The following NBL1 variants were observed in gnomAD, a reference collection of about 807,000 sequenced individuals.
The protein encoded by NBL1 is NBL1, DAN family BMP antagonist.
Under a neutral mutation model 16.0 loss-of-function variants are expected in NBL1, and 9 were observed. The observed-to-expected ratio is 0.56, with a 90% CI of 0.34 to 0.98. The LOEUF is 0.98. Among genes scored for constraint, NBL1 ranks in the 50% least tolerant of loss-of-function variants. The probability of loss-of-function intolerance (pLI) is 0.02; values close to 1 mark genes in which losing one functional copy is unlikely to be tolerated. For missense variants in NBL1, 196 were observed against 243.1 expected (o/e 0.81, Z 1.29); for synonymous variants, 86 against 100.7 (o/e 0.85, Z 0.87).
chr1:19,655,257 AG>A, intron 2 of NBL1, 57 bp downstream of exon 2: 1 of 1,610,176 alleles, frequency 6.2e-7, no homozygotes, highest in Non-Finnish European at 8.5e-7. Flanking sequence ...AGGGAGGAAG[AG>A]GACCAGGGCT....
intron 3 of NBL1, 68 bp downstream of exon 3, chr1:19,655,503 C>T: frequency 6.5e-7 from 1 of 1,545,632 alleles, no homozygotes; most frequent in Non-Finnish European, 8.8e-7. Flanking sequence ...CCTTTCTCCC[C>T]AGGCTCCTGT....
Position 19,644,412 on chromosome 1 carries a change from C to T in NBL1, c.-54C>T. 7.1e-6 allele frequency: 7 copies of T among 979,116 alleles called. No individual in the cohort carries two copies. In the South Asian group the frequency reaches 2.8e-4, roughly 39 times the overall value. 60.7% of individuals were successfully genotyped at this position (979,116 alleles called of 1,614,324 possible). A position where few individuals can be genotyped will look rare whatever the true frequency, so the allele number is the denominator to read the frequency against. ...CTGGGGCGCCCGGGCCCGCGACCCC[C>T]GCACCCAGCTCCGCAGGACCGGCGG... On this transcript the variant is annotated 5_prime_UTR_variant, in exon 1 of 4. Coordinates refer to ENST00000375136, the MANE Select transcript of NBL1 (RefSeq NM_005380.8). This position sits in a 1 kb window ranked among gnomAD's most constrained non-coding sequence, Gnocchi z 4.6.
rs2095061583 is a variant in NBL1 at position 19,657,226 on chromosome 1, A to G, written c.*97A>G. Reference sequence around the variant, plus strand: ...GGAGAAGCTGAAGCCCCCCTTTGGCACTGGATGGACTTGGCTTCAGACTCG... The same window carrying G: ...GGAGAAGCTGAAGCCCCCCTTTGGCGCTGGATGGACTTGGCTTCAGACTCG... On this transcript the variant is annotated 3_prime_UTR_variant, in exon 4 of 4. Transcript: ENST00000375136. The G allele has an allele frequency of 1.7e-6, 1 of 604,942 alleles. No homozygotes were observed. The highest frequency in any genetic ancestry group is 1.9e-5 in the African/African-American group (1 of 53,998). 37.5% of individuals were successfully genotyped at this position (604,942 alleles called of 1,614,324 possible).
At chr1:19,649,265 CA>C (rs1174013632) in intron 1 of NBL1, among the ~76,000 whole-genome samples, 1 of 152,064 alleles carries the variant, frequency 6.6e-6, no homozygotes, top group African/African-American at 2.4e-5. Context: ...TAGGATCAGG[CA>C]GTTATCATAG....
At chr1:19,643,860 C>T, upstream of NBL1, 1 of 991,464 alleles carries the variant, frequency 1.0e-6, no homozygotes, top group Non-Finnish European at 1.2e-6. This position sits in a 1 kb window ranked among gnomAD's most constrained non-coding sequence, Gnocchi z 4.7. Context: ...GGGCGCCCCA[C>T]TCTCGGGGCA....
intron 1 of NBL1, chr1:19,646,060 G>T: frequency 6.5e-7 from 1 of 1,550,294 alleles, no homozygotes. Context: ...CCTGGGTTTG[G>T]GGGCTGGCAC....
intron 1 of NBL1, chr1:19,647,699 G>A (rs1050649677): frequency 1.0e-6 from 1 of 984,640 alleles, no homozygotes; most frequent in Admixed American, 6.1e-5. Context: ...ATCAGCTGGG[G>A]CCAAGTGTGG....
At chr1:19,653,310 C>G (rs2095037978) in intron 1 of NBL1, among the ~76,000 whole-genome samples, 1 of 134,960 alleles carries the variant, frequency 7.4e-6, no homozygotes, top group African/African-American at 2.7e-5. Flanking sequence ...AAAAAAAGTA[C>G]CTGGCTTTGC....
intron 1 of NBL1, among the ~76,000 whole-genome samples, chr1:19,648,504 G>A (rs770876253): frequency 5.3e-5 from 8 of 152,304 alleles, no homozygotes; most frequent in Admixed American, 2.0e-4. Flanking sequence ...GCCTGACCCC[G>A]GAGCTGGCCT....
At chr1:19,644,121 G>A (rs569432471), upstream of NBL1, 112 of 975,486 alleles carry the variant, frequency 1.1e-4, 1 homozygote, top group South Asian at 3.1e-3. The surrounding 1 kb of genome is among the most constrained non-coding windows in gnomAD (Gnocchi z 4.6). Flanking sequence ...GGGGCGGGCG[G>A]GCCAGGAGAG....
At position 19,644,400 on chromosome 1, in the gene NBL1, G is replaced by A. The variant is rs2094964957; in HGVS notation, c.-66G>A. 1.0e-6 allele frequency: 1 copy of A among 978,854 alleles called. No individual in the cohort carries two copies. The allele number at this position is 978,854 out of a possible 1,614,324, so 60.6% of individuals were successfully genotyped here. On this transcript the variant is annotated 5_prime_UTR_variant, in exon 1 of 4. Coordinates refer to ENST00000375136, the MANE Select transcript of NBL1 (RefSeq NM_005380.8). This position sits in a 1 kb window ranked among gnomAD's most constrained non-coding sequence, Gnocchi z 4.6. ...TCGCCGAGCCTCCTGGGGCGCCCGG[G>A]CCCGCGACCCCCGCACCCAGCTCCG...
chr1:19,649,560 T>C (rs1052039106), intron 1 of NBL1, among the ~76,000 whole-genome samples: 3 of 151,890 alleles, frequency 2.0e-5, no homozygotes, highest in African/African-American at 4.8e-5. Flanking sequence ...GGTTTCGCCA[T>C]GTTGGCCAGG....
chr1:19,645,126 C>A (rs1447534897), intron 1 of NBL1, among the ~76,000 whole-genome samples: 1 of 152,192 alleles, frequency 6.6e-6, no homozygotes, highest in Non-Finnish European at 1.5e-5. Flanking sequence ...GTCGGAGGCT[C>A]GCCTTCCCCC....
intron 1 of NBL1, chr1:19,647,678 C>T (rs1049561407): frequency 1.8e-5 from 18 of 985,262 alleles, no homozygotes; most frequent in South Asian, 4.7e-5. Context: ...CAGGTAGAAT[C>T]GTCCGTCTCC....
intron 3 of NBL1, among the ~76,000 whole-genome samples, chr1:19,656,597 C>T (rs756148140): frequency 6.8e-6 from 1 of 147,522 alleles, no homozygotes; most frequent in East Asian, 2.0e-4. Flanking sequence ...GGGATCGCGG[C>T]GGTGGGGGCG....
At chr1:19,646,961 G>A (rs2094984289) in intron 1 of NBL1, among the ~76,000 whole-genome samples, 3 of 152,244 alleles carry the variant, frequency 2.0e-5, no homozygotes, top group Non-Finnish European at 4.4e-5. Context: ...TCCTGTGGGA[G>A]CGAGGGGCAG....
rs1253882550 is a variant in NBL1, at chr1:19,657,600, G to C, written c.*471G>C. The C allele has an allele frequency of 7.7e-4, 1 of 1,306 alleles. No homozygotes were observed. The highest frequency in any genetic ancestry group is 0.083 in the African/African-American group (1 of 12). The allele number at this position is 1,306 out of a possible 1,614,324, so 0.1% of individuals were successfully genotyped here. A position where few individuals can be genotyped will look rare whatever the true frequency, so the allele number is the denominator to read the frequency against. The stretch of plus-strand genomic sequence containing the variant: ...AGAAAGACCACTGGCAGAAACAGGA[G>C]GCTCCGGCCCACAGGTTTCCCCAAG... On this transcript the variant is annotated 3_prime_UTR_variant, in exon 4 of 4. Coordinates refer to ENST00000375136, the MANE Select transcript of NBL1 (RefSeq NM_005380.8).
chr1:19,644,094 G>T, upstream of NBL1: 1 of 973,542 alleles, frequency 1.0e-6, no homozygotes, highest in Non-Finnish European at 1.2e-6. The surrounding 1 kb of genome is among the most constrained non-coding windows in gnomAD (Gnocchi z 4.6). Flanking sequence ...CCGTCGGAGC[G>T]CGCCGAAGCT....
At chr1:19,645,997 G>T in intron 1 of NBL1, 2 of 1,550,526 alleles carry the variant, frequency 1.3e-6, no homozygotes, top group Admixed American at 2.0e-5. Flanking sequence ...GATTTGTTTT[G>T]GAGACTGTTT....
Sources: gnomAD v4.1 joint callset for allele counts (sites outside exome capture counted in the v4.1 genomes callset) on GRCh38, gnomAD v4.1.1 for gene constraint, Gnocchi (gnomAD v3.1) non-coding constraint, MANE v1.5 for transcripts, NCBI Gene and HGNC (gene_info 2026-07-23, HGNC 2026-07-21) for gene names.